JAG2: variants seen among roughly 807,000 people sequenced by gnomAD.
The protein encoded by JAG2 is jagged canonical Notch ligand 2.
Under a neutral mutation model 141.7 loss-of-function variants are expected in JAG2, and 46 were observed. The ratio of observed to expected loss-of-function variants is 0.32; its 90% CI spans 0.26 to 0.42. The LOEUF (loss-of-function observed/expected upper bound fraction) is 0.42, where lower values mean the gene tolerates loss of function less well. Ranked by LOEUF, JAG2 falls within the 10% of genes least tolerant of loss-of-function variation. The probability of loss-of-function intolerance (pLI) is 1.00; values close to 1 mark genes in which losing one functional copy is unlikely to be tolerated. For missense variants in JAG2, 1,500 were observed against 1,817.5 expected (o/e 0.83, Z 3.18); for synonymous variants, 862 against 763.5 (o/e 1.13, Z -2.13).
intron 9 of JAG2, 82 bp from the exon 10 acceptor site, chr14:105,151,186 A>C: frequency 1.4e-6 from 2 of 1,403,458 alleles, no homozygotes; most frequent in Admixed American, 2.0e-5. Flanking sequence ...CCCGCAGCCC[A>C]GCAGCCCCAG....
Position 105,142,691 on chromosome 14 carries a change from G to A in JAG2, c.*4C>T, listed in dbSNP as rs370167699. 2.0e-4 allele frequency: 325 copies of A among 1,590,800 alleles called. No homozygotes were observed. The East Asian group carries it at 4.2e-3, about 20-fold the overall frequency. On this transcript the variant is annotated 3_prime_UTR_variant, in exon 26 of 26. Coordinates refer to ENST00000331782, the MANE Select transcript of JAG2 (RefSeq NM_002226.5). Reference sequence around the variant, plus strand: ...CTGGGTCCCGGCCCAGCTGGCAGCCGCCCCTACTCCTTGCCGGCGTAGCGG... The same window carrying A: ...CTGGGTCCCGGCCCAGCTGGCAGCCACCCCTACTCCTTGCCGGCGTAGCGG...
At chr14:105,146,116 AC>A in intron 22 of JAG2, 143 bp from the exon 23 acceptor site, 1 of 1,377,916 alleles carries the variant, frequency 7.3e-7, no homozygotes, top group Non-Finnish European at 9.9e-7. Flanking sequence ...GGCCCAGCCC[AC>A]CCCCTACCCA....
chr14:105,157,648 C>T, intron 3 of JAG2, 58 bp downstream of exon 3: 1 of 1,437,274 alleles, frequency 7.0e-7, no homozygotes, highest in Non-Finnish European at 9.5e-7. Flanking sequence ...GGAGCTGGGC[C>T]CTGCCACAGG....
Position 105,154,117 on chromosome 14 carries a change from T to C in JAG2, c.788+1445A>G, listed in dbSNP as rs1053102661. Among the ~76,000 whole-genome samples, 2 of 152,038 alleles carry C rather than the reference T, an allele frequency of 1.3e-5. No individual in the cohort carries two copies. ...CCAGGCCACTCAACCGTGGGGCCTG[T>C]GGAAGGGTCACCCACCTCCCCACCT... On this transcript the variant is annotated intron_variant, in intron 5 of 25. Transcript: ENST00000331782. The surrounding 1 kb of genome is among the most constrained non-coding windows in gnomAD (Gnocchi z 4.4).
At chr14:105,143,790 C>G in intron 24 of JAG2, 152 bp from the exon 25 acceptor site, 1 of 831,692 alleles carries the variant, frequency 1.2e-6, no homozygotes, top group Non-Finnish European at 1.9e-6. Flanking sequence ...CACCACCAGG[C>G]AGTGAGTGGG....
At position 105,168,744 on chromosome 14, in the gene JAG2, C is replaced by G. The variant is rs1453037323; in HGVS notation, c.-324G>C. ...CCTCGGCTCTGCGCGCCCGCGCTCCCGGCACCGCAGCCAACAAGTTCGGAA... is the reference window on the plus strand; with the variant it reads ...CCTCGGCTCTGCGCGCCCGCGCTCCGGGCACCGCAGCCAACAAGTTCGGAA... On this transcript the variant is annotated 5_prime_UTR_variant, in exon 1 of 26. Coordinates refer to ENST00000331782, the MANE Select transcript of JAG2 (RefSeq NM_002226.5). 1.8e-5 allele frequency: 3 copies of G among 170,358 alleles called. No homozygotes were observed. The highest frequency in any genetic ancestry group is 2.5e-5 in the Non-Finnish European group (2 of 81,382). 10.6% of individuals were successfully genotyped at this position (170,358 alleles called of 1,614,324 possible). A position where few individuals can be genotyped will look rare whatever the true frequency, so the allele number is the denominator to read the frequency against.
chr14:105,149,780 G>C (rs1357888497), intron 12 of JAG2, among the ~76,000 whole-genome samples: 1 of 144,614 alleles, frequency 6.9e-6, no homozygotes, highest in African/African-American at 2.6e-5. Flanking sequence ...GGGCAGGATC[G>C]TGGGCGGCCG....
At position 105,150,519 on chromosome 14, in the gene JAG2, C is replaced by T. The variant is rs189209081; in HGVS notation, c.1602+85G>A. On this transcript the variant is annotated intron_variant, in intron 12 of 25. Coordinates refer to ENST00000331782, the MANE Select transcript of JAG2 (RefSeq NM_002226.5). ...AACTTCCCCTGCAGCACCCCTGGGT[C>T]ACTCAGGCCCCATGGTCAGGGGACG... 3.5e-4 allele frequency: 480 copies of T among 1,362,276 alleles called. 3 individuals are homozygous for T. The African/African-American group carries it at 6.0e-3, about 17-fold the overall frequency. The allele number at this position is 1,362,276 out of a possible 1,614,324, so 84.4% of individuals were successfully genotyped here.
intron 22 of JAG2, among the ~76,000 whole-genome samples, 197 bp from the exon 23 acceptor site, chr14:105,146,170 AG>A (rs2140971990): frequency 6.6e-6 from 1 of 152,270 alleles, no homozygotes; most frequent in South Asian, 2.1e-4. Flanking sequence ...CAGAAAGGGC[AG>A]GCGGAGCAAG....
intron 2 of JAG2, among the ~76,000 whole-genome samples, chr14:105,159,425 TGGCCCCGCCA>T (rs1258499592): frequency 6.6e-6 from 1 of 151,594 alleles, no homozygotes; most frequent in African/African-American, 2.4e-5. Context: ...ACATCCGCCA[TGGCCCCGCCA>T]GGCCACGGGG....
intron 2 of JAG2, among the ~76,000 whole-genome samples, chr14:105,165,736 C>G (rs587724350): frequency 6.6e-6 from 1 of 152,314 alleles, no homozygotes; most frequent in African/African-American, 2.4e-5. Flanking sequence ...TCCTCTTCCA[C>G]AAGGCCCTCT....
chr14:105,143,614 G>C lies in JAG2; in HGVS notation c.3109C>G (p.Pro1037Ala). 6.2e-7 allele frequency: 1 copy of C among 1,608,106 alleles called. No homozygotes were observed. Among genetic ancestry groups the C allele is most frequent in the Non-Finnish European group, 8.5e-7 (1 of 1,179,686 alleles). The stretch of plus-strand genomic sequence containing the variant: ...GCGCCCTGGATCAGGCTGCTGTCAG[G>C]CAGGTCCCTGGCAGGGCTGAAGGAC... Reference protein sequence around the residue: ...AVSFSPARDLPDSSLIQGAAH... With the variant: ...AVSFSPARDLADSSLIQGAAH... The change falls in exon 25 of 26, where the codon CCT becomes GCT. Residue 1037 changes from proline to alanine, a missense_variant. Coordinates refer to ENST00000331782, the MANE Select transcript of JAG2 (RefSeq NM_002226.5).
chr14:105,156,431 C>A (rs1177686511), intron 3 of JAG2, among the ~76,000 whole-genome samples: 1 of 152,154 alleles, frequency 6.6e-6, no homozygotes, highest in East Asian at 1.9e-4. Flanking sequence ...TTGCCCTCCC[C>A]TCTCCTGCGC....
chr14:105,151,645 G>C lies in JAG2; in HGVS notation c.1134C>G (p.Ser378Arg). Residue 378 changes from serine (S) to arginine (R), a missense_variant, in exon 8 of 26, where the codon AGC becomes AGG. Around this residue, in one of 3 missense-constraint regions of JAG2, gnomAD observed 875 missense variants for 1,202.2 expected, o/e 0.73. Coordinates refer to ENST00000331782, the MANE Select transcript of JAG2 (RefSeq NM_002226.5). ...GFECHCPSGW[S>R]GPTCALDIDE... ...ACTCACCAAGGGCACAGGTGGGCCC[G>C]CTCCAGCCCGATGGGCAGTGGCATT... is the stretch of plus-strand genomic sequence containing the variant. 3 of 1,607,904 alleles carry C rather than the reference G, an allele frequency of 1.9e-6. No homozygotes were observed. Among genetic ancestry groups the C allele is most frequent in the Non-Finnish European group, 2.5e-6 (3 of 1,177,998 alleles).
intron 20 of JAG2, 134 bp downstream of exon 20, chr14:105,147,192 G>A: frequency 1.4e-6 from 1 of 735,068 alleles, no homozygotes; most frequent in Non-Finnish European, 2.4e-6. Flanking sequence ...TGGGGAAACT[G>A]AGGCTCAGAA....
Position 105,168,359 on chromosome 14 carries a change from AC to A in JAG2, c.61del (p.Val21CysfsTer14). ...RRLLLLLALW[V>X]QAARPMGYFE... ...CGCCCCCGCCGCCCCGCTCACCTGCACCCAGAGCGCCAGCAGCAGCAGCAGC... is the reference window on the plus strand; with the variant it reads ...CGCCCCCGCCGCCCCGCTCACCTGCACCAGAGCGCCAGCAGCAGCAGCAGC... On this transcript the variant is annotated frameshift_variant, in exon 1 of 26. Coordinates refer to ENST00000331782, the MANE Select transcript of JAG2 (RefSeq NM_002226.5). LOFTEE classifies it high-confidence loss of function. 1.1e-6 allele frequency: 1 copy of A among 932,884 alleles called. No individual in the cohort carries two copies. The allele number at this position is 932,884 out of a possible 1,614,324, so 57.8% of individuals were successfully genotyped here. A position where few individuals can be genotyped will look rare whatever the true frequency, so the allele number is the denominator to read the frequency against.
At chr14:105,162,940 A>G (rs587701577) in intron 2 of JAG2, among the ~76,000 whole-genome samples, 29 of 151,582 alleles carry the variant, frequency 1.9e-4, no homozygotes, top group African/African-American at 6.6e-4. Flanking sequence ...ACAGCATCCC[A>G]AAACTCAGGC....
chr14:105,156,807 C>T (rs1218510345), intron 3 of JAG2, among the ~76,000 whole-genome samples: 2 of 152,144 alleles, frequency 1.3e-5, no homozygotes, highest in Admixed American at 6.5e-5. Flanking sequence ...AGAGCCCTGA[C>T]GACCTTGCTT....
Position 105,142,462 on chromosome 14 carries a change from A to C in JAG2, c.*233T>G. On this transcript the variant is annotated 3_prime_UTR_variant, in exon 26 of 26. Transcript: ENST00000331782. ...TTCATACAGCGAGTGCCACGCACGG[A>C]AACTTTACAAAAATAGCAACTATCC... 3.7e-6 allele frequency: 2 copies of C among 546,808 alleles called. No individual in the cohort carries two copies. The highest frequency in any genetic ancestry group is 4.6e-5 in the South Asian group (2 of 43,742). The allele number at this position is 546,808 out of a possible 1,614,324, so 33.9% of individuals were successfully genotyped here.
Sources: gnomAD v4.1 joint callset for allele counts (sites outside exome capture counted in the v4.1 genomes callset) on GRCh38, gnomAD v4.1.1 for gene constraint, gnomAD v4.1.1 regional missense constraint, Gnocchi (gnomAD v3.1) non-coding constraint, MANE v1.5 for transcripts, NCBI Gene and HGNC (gene_info 2026-07-23, HGNC 2026-07-21) for gene names.